XKR9: variants seen among roughly 807,000 people sequenced by gnomAD.
XKR9 encodes XK related 9, also known as XK-related protein 9.
In XKR9, 32 loss-of-function variants were observed where a neutral mutation model predicts 32.0. That is an observed-to-expected ratio of 1.00 (90% CI 0.76 to 1.34). XKR9 has a LOEUF of 1.34. XKR9 is among the 40% of genes most tolerant of loss of function. The pLI is 0.00. For synonymous variants in XKR9, 168 were observed against 143.4 expected (o/e 1.17, Z -1.22); for missense variants, 546 against 429.7 (o/e 1.27, Z -2.39).
chr8:70,901,160 T>C, the XKR9 span, among the ~76,000 whole-genome samples: 1 of 152,236 alleles, frequency 6.6e-6, no homozygotes, highest in South Asian at 2.1e-4. Flanking sequence ...TTATAATCTT[T>C]TGGGTATATA....
At chr8:70,985,417 G>C in the XKR9 span, among the ~76,000 whole-genome samples, 1 of 152,104 alleles carries the variant, frequency 6.6e-6, no homozygotes, top group Admixed American at 6.5e-5. Context: ...TCATTGATGG[G>C]CATTTGGGTT....
At chr8:70,738,574 T>G (rs1403972556), downstream of XKR9, among the ~76,000 whole-genome samples, 4 of 151,372 alleles carry the variant, frequency 2.6e-5, no homozygotes, top group African/African-American at 2.4e-5. Context: ...GGTGTCAATT[T>G]TTGATCTTTC....
chr8:70,698,024 G>A (rs1415657719), intron 3 of XKR9, among the ~76,000 whole-genome samples: 1 of 151,986 alleles, frequency 6.6e-6, no homozygotes, highest in Non-Finnish European at 1.5e-5. Context: ...TGGGATCGGT[G>A]GTGATATCCC....
chr8:70,910,296 GC>G, the XKR9 span, among the ~76,000 whole-genome samples: 1 of 152,040 alleles, frequency 6.6e-6, no homozygotes, highest in South Asian at 2.1e-4. Flanking sequence ...TGTGAGCACT[GC>G]AATTATATGT....
chr8:70,963,616 C>A, the XKR9 span, among the ~76,000 whole-genome samples: 4 of 152,332 alleles, frequency 2.6e-5, no homozygotes, highest in Non-Finnish European at 4.4e-5. Flanking sequence ...TCTCCACAAC[C>A]TCATCAGCAT....
chr8:70,725,324 G>A (rs7013657), intron 4 of XKR9, among the ~76,000 whole-genome samples: 61,300 of 151,970 alleles, frequency 0.4, 13,904 homozygotes, highest in Non-Finnish European at 0.52. Context: ...GGATGGGGGA[G>A]GGAAAGGAAA....
the XKR9 span, among the ~76,000 whole-genome samples, chr8:70,799,505 G>A: frequency 6.6e-6 from 1 of 151,808 alleles, no homozygotes; most frequent in African/African-American, 2.4e-5. Flanking sequence ...TAATTTTTTT[G>A]TATTTTAGTA....
chr8:70,860,572 A>G, the XKR9 span, among the ~76,000 whole-genome samples: 1 of 152,028 alleles, frequency 6.6e-6, no homozygotes, highest in Admixed American at 6.6e-5. Flanking sequence ...ATTGATTAAG[A>G]TTTCTTCCTT....
chr8:70,677,145 T>C (rs995109520), intron 2 of XKR9, among the ~76,000 whole-genome samples: 3 of 151,862 alleles, frequency 2.0e-5, no homozygotes, highest in Admixed American at 1.3e-4. Context: ...ATAAAAAAAA[T>C]CTTTTTTTGT....
the XKR9 span, among the ~76,000 whole-genome samples, chr8:70,805,530 C>T: frequency 2.0e-5 from 3 of 152,178 alleles, no homozygotes; most frequent in Non-Finnish European, 2.9e-5. Context: ...GGAAGGGCGG[C>T]ATTCATCTCT....
chr8:70,938,672 C>G, the XKR9 span, among the ~76,000 whole-genome samples: 17,887 of 152,000 alleles, frequency 0.12, 1,275 homozygotes, highest in African/African-American at 0.2. Flanking sequence ...CAGCAGGTTC[C>G]TGGGATATGA....
At chr8:70,994,969 G>T in the XKR9 span, among the ~76,000 whole-genome samples, 1 of 152,144 alleles carries the variant, frequency 6.6e-6, no homozygotes, top group Admixed American at 6.5e-5. Context: ...AGGCTAGTTA[G>T]TAAAGTTTAT....
the XKR9 span, among the ~76,000 whole-genome samples, chr8:70,967,655 G>C: frequency 1.3e-5 from 2 of 152,030 alleles, no homozygotes; most frequent in African/African-American, 4.8e-5. Context: ...CTCAGCATTT[G>C]CTTGTCTGTA....
At chr8:70,705,039 A>T (rs987174977) in intron 3 of XKR9, among the ~76,000 whole-genome samples, 4 of 152,160 alleles carry the variant, frequency 2.6e-5, no homozygotes, top group Non-Finnish European at 4.4e-5. Flanking sequence ...TGGTAAAAAT[A>T]TGCTCCTTTT....
At chr8:71,062,353 G>A in the XKR9 span, among the ~76,000 whole-genome samples, 1 of 152,196 alleles carries the variant, frequency 6.6e-6, no homozygotes, top group East Asian at 1.9e-4. Context: ...AAGAGATTGA[G>A]TGTCTGGTTG....
the XKR9 span, among the ~76,000 whole-genome samples, chr8:70,888,841 G>A: frequency 1.6e-3 from 238 of 151,994 alleles, 1 homozygote; most frequent in African/African-American, 5.5e-3. Flanking sequence ...ATACCATGCT[G>A]TCTTTGTTAC....
At chr8:71,038,750 C>CA in the XKR9 span, among the ~76,000 whole-genome samples, 165 of 97,488 alleles carry the variant, frequency 1.7e-3, 1 homozygote, top group Middle Eastern at 8.2e-3. Context: ...TCTCAATTTT[C>CA]AAAAAAAAAA....
At chr8:70,877,706 G>A in the XKR9 span, among the ~76,000 whole-genome samples, 370 of 152,282 alleles carry the variant, frequency 2.4e-3, no homozygotes, top group African/African-American at 8.7e-3. Context: ...TGAAAGTGAT[G>A]GGGAGAATGG....
the XKR9 span, among the ~76,000 whole-genome samples, chr8:70,884,115 T>A: frequency 2.0e-5 from 3 of 152,144 alleles, no homozygotes; most frequent in Admixed American, 6.5e-5. Flanking sequence ...TTTAAAAAAA[T>A]TTCCAATTTT....
Sources: gnomAD v4.1 joint callset for allele counts (sites outside exome capture counted in the v4.1 genomes callset) on GRCh38, gnomAD v4.1.1 for gene constraint, MANE v1.5 for transcripts, NCBI Gene and HGNC (gene_info 2026-07-23, HGNC 2026-07-21) for gene names.